Variants in MIS18BP1 observed in about 807,000 individuals in gnomAD.
The protein encoded by MIS18BP1 is mis18-binding protein 1.
MIS18BP1 carries 72 observed loss-of-function variants against 116.1 expected under a neutral mutation model. That is an observed-to-expected ratio of 0.62 (90% CI 0.51 to 0.75). MIS18BP1 has a LOEUF of 0.75. MIS18BP1 is among the 30% of genes least tolerant of loss of function. The pLI, the probability that MIS18BP1 is intolerant of heterozygous loss-of-function variation, is 0.00. For missense variants in MIS18BP1, 1,363 were observed against 1,303.2 expected (o/e 1.05, Z -0.71); for synonymous variants, 386 against 427.0 (o/e 0.90, Z 1.18).
intron 13 of MIS18BP1, among the ~76,000 whole-genome samples, chr14:45,216,199 TAGG>T (rs1469225284): frequency 1.3e-5 from 2 of 152,190 alleles, no homozygotes; most frequent in African/African-American, 2.4e-5. Flanking sequence ...TTGGATTTCT[TAGG>T]ATAAACTCTC....
intron 13 of MIS18BP1, among the ~76,000 whole-genome samples, chr14:45,215,065 G>A (rs1890778710): frequency 6.6e-6 from 1 of 152,142 alleles, no homozygotes; most frequent in African/African-American, 2.4e-5. Context: ...TGTTCTTTAT[G>A]ATGCTACTAT....
rs1566809904 is a variant in MIS18BP1, at chr14:45,224,101, T to C, written c.2486A>G (p.Tyr829Cys). The change falls in exon 11 of 17, where the codon TAT becomes TGT. Residue 829 changes from tyrosine to cysteine, a missense_variant. Coordinates refer to ENST00000310806, the MANE Select transcript of MIS18BP1 (RefSeq NM_018353.5). ...AGGTCTAGCTTTCTTTTGTTTGATA[T>C]AAAATTCATTTTCACTTTCTTCAGT... is the stretch of plus-strand genomic sequence containing the variant. ...PETEESENEF[Y>C]IKQKKARPSV... 6.2e-7 allele frequency: 1 copy of C among 1,612,414 alleles called. No homozygotes were observed.
At chr14:45,210,566 A>G (rs1361855237) in intron 13 of MIS18BP1, 38 bp from the exon 14 acceptor site, 2 of 1,608,792 alleles carry the variant, frequency 1.2e-6, no homozygotes, top group Admixed American at 1.7e-5. Flanking sequence ...GGCACCCCAT[A>G]AAAGGTATTT....
rs534967095 is a variant in MIS18BP1 at position 45,239,339 on chromosome 14, A to C, written c.1144-1618T>G. Among the ~76,000 whole-genome samples the C allele has an allele frequency of 2.0e-5, 3 of 152,342 alleles. No individual in the cohort carries two copies. In the South Asian group the frequency reaches 6.2e-4, roughly 32 times the overall value. ...GTAATTACTATGAAAAATAAATAAA[A>C]GGCATTAGATAAATGAGGTGCTTTT... On this transcript the variant is annotated intron_variant, in intron 4 of 16. Transcript: ENST00000310806.
At chr14:45,210,663 G>T in intron 13 of MIS18BP1, 135 bp from the exon 14 acceptor site, 1 of 952,936 alleles carries the variant, frequency 1.0e-6, no homozygotes, top group Non-Finnish European at 1.6e-6. Context: ...ACAGTAGTAC[G>T]TAGAGGAGTA....
chr14:45,213,969 C>G (rs543010509), intron 13 of MIS18BP1, among the ~76,000 whole-genome samples: 3 of 152,266 alleles, frequency 2.0e-5, no homozygotes, highest in African/African-American at 7.2e-5. Context: ...TGTTAAAAGT[C>G]ATCACCATTC....
intron 7 of MIS18BP1, among the ~76,000 whole-genome samples, chr14:45,232,346 G>A (rs774356189): frequency 6.6e-6 from 1 of 150,792 alleles, no homozygotes; most frequent in East Asian, 1.9e-4. Flanking sequence ...GAACCCCAGA[G>A]GCGGAGCTTG....
At chr14:45,242,948 T>G in intron 2 of MIS18BP1, 74 bp from the exon 3 acceptor site, 1 of 987,894 alleles carries the variant, frequency 1.0e-6, no homozygotes, top group Non-Finnish European at 1.5e-6. Context: ...CTTTTAAAAT[T>G]CTTGAAATAA....
intron 13 of MIS18BP1, among the ~76,000 whole-genome samples, chr14:45,211,759 G>A (rs1037793482): frequency 6.6e-6 from 1 of 152,354 alleles, no homozygotes; most frequent in Admixed American, 6.5e-5. Context: ...CCACCTGTGA[G>A]TGCCAGCTGC....
At chr14:45,226,924 C>A in intron 9 of MIS18BP1, 88 bp from the exon 10 acceptor site, 1 of 1,102,452 alleles carries the variant, frequency 9.1e-7, no homozygotes, top group East Asian at 3.7e-5. Context: ...ATCAAGCATA[C>A]AAATTTCTAG....
chr14:45,243,575 A>G (rs1204186187), intron 2 of MIS18BP1, among the ~76,000 whole-genome samples: 1 of 152,146 alleles, frequency 6.6e-6, no homozygotes, highest in African/African-American at 2.4e-5. Flanking sequence ...GAATTATCTT[A>G]TATGTTTAAT....
chr14:45,215,187 G>A (rs577998338), intron 13 of MIS18BP1, among the ~76,000 whole-genome samples: 3 of 152,338 alleles, frequency 2.0e-5, no homozygotes, highest in Admixed American at 6.5e-5. Context: ...GGCCTCTGGT[G>A]GCTCTCTTAA....
chr14:45,230,406 A>G (rs551507900), intron 8 of MIS18BP1, among the ~76,000 whole-genome samples: 2 of 152,182 alleles, frequency 1.3e-5, no homozygotes, highest in East Asian at 3.9e-4. Flanking sequence ...CAAGAAAAGC[A>G]TTTTCTTGAA....
chr14:45,208,334 T>G (rs1417583329), intron 14 of MIS18BP1, among the ~76,000 whole-genome samples: 2 of 149,100 alleles, frequency 1.3e-5, no homozygotes, highest in Non-Finnish European at 1.5e-5. Context: ...GAAGTTGTTT[T>G]TTTTTTTTTT....
In MIS18BP1 at chr14:45,253,034, C is replaced by G. The variant is rs1891923990; in HGVS notation, c.-92+1G>C. 1 of 152,308 alleles carries G rather than the reference C, an allele frequency of 6.6e-6. No homozygotes were observed. Among genetic ancestry groups the G allele is most frequent in the African/African-American group, 2.4e-5 (1 of 41,472 alleles). 9.4% of individuals were successfully genotyped at this position (152,308 alleles called of 1,614,324 possible). ...TAGCGGAGGGCGCGGGGAGGACGTACCTTGGATGAAGAGCCTGGCAGGGAG... is the reference window on the plus strand; with the variant it reads ...TAGCGGAGGGCGCGGGGAGGACGTAGCTTGGATGAAGAGCCTGGCAGGGAG... On this transcript the variant is annotated splice_donor_variant, in intron 1 of 16. Coordinates refer to ENST00000310806, the MANE Select transcript of MIS18BP1 (RefSeq NM_018353.5). LOFTEE classifies it low-confidence loss of function (5UTR_SPLICE).
Position 45,227,713 on chromosome 14 carries a change from G to C in MIS18BP1, c.1696C>G (p.Gln566Glu), listed in dbSNP as rs1891163374. The C allele has an allele frequency of 6.2e-7, 1 of 1,613,598 alleles. No individual in the cohort carries two copies. Among genetic ancestry groups the C allele is most frequent in the Non-Finnish European group, 8.5e-7 (1 of 1,179,578 alleles). The change falls in exon 9 of 17, where the codon CAA becomes GAA. Residue 566 changes from glutamine to glutamate, a missense_variant. Coordinates refer to ENST00000310806, the MANE Select transcript of MIS18BP1 (RefSeq NM_018353.5). Reference protein sequence around the residue: ...NKPTLRFPDDQVNNTIQNGGG... With the variant: ...NKPTLRFPDDEVNNTIQNGGG... Reference sequence around the variant, plus strand: ...CCATTTTGAATAGTATTATTTACTTGGTCATCTGGGAACCTTAATGTTGGT... The same window carrying C: ...CCATTTTGAATAGTATTATTTACTTCGTCATCTGGGAACCTTAATGTTGGT...
intron 13 of MIS18BP1, among the ~76,000 whole-genome samples, chr14:45,213,591 C>T (rs748470322): frequency 6.6e-6 from 1 of 152,144 alleles, no homozygotes; most frequent in Non-Finnish European, 1.5e-5. Context: ...CAACTCTGCA[C>T]CGTAGCATGA....
At chr14:45,211,812 C>T (rs1890681185) in intron 13 of MIS18BP1, among the ~76,000 whole-genome samples, 1 of 152,190 alleles carries the variant, frequency 6.6e-6, no homozygotes, top group African/African-American at 2.4e-5. Context: ...AGGGGAGCTT[C>T]CAGCAATAGC....
rs909254491 is a variant in MIS18BP1 at position 45,203,537 on chromosome 14, G to C, written c.*572C>G. 1 of 152,024 alleles carries C rather than the reference G, an allele frequency of 6.6e-6. No homozygotes were observed. Among genetic ancestry groups the C allele is most frequent in the East Asian group, 1.9e-4 (1 of 5,192 alleles). 9.4% of individuals were successfully genotyped at this position (152,024 alleles called of 1,614,324 possible). ...AAACTAAATTTACAAAGGTTTCATA[G>C]ATATGCCTATCACAAGTTTAAAATA... On this transcript the variant is annotated 3_prime_UTR_variant, in exon 17 of 17. Transcript: ENST00000310806.
Sources: allele counts gnomAD v4.1 joint callset (sites outside exome capture counted in the v4.1 genomes callset), GRCh38; gene constraint gnomAD v4.1.1; transcripts MANE v1.5; gene names NCBI Gene and HGNC (gene_info 2026-07-23, HGNC 2026-07-21).